Variants in KCNJ6 observed in about 807,000 individuals in gnomAD.
KCNJ6 encodes the protein G protein-activated inward rectifier potassium channel 2.
Under a neutral mutation model 34.2 loss-of-function variants are expected in KCNJ6, and 9 were observed. The ratio of observed to expected loss-of-function variants is 0.26; its 90% CI spans 0.16 to 0.46. The LOEUF (loss-of-function observed/expected upper bound fraction) is 0.46. Ranked by LOEUF, KCNJ6 falls within the 20% of genes least tolerant of loss-of-function variation. KCNJ6 has a pLI of 1.00. For synonymous variants in KCNJ6, 196 were observed against 207.1 expected, an observed-to-expected ratio of 0.95 and a Z score of 0.46; for missense variants, 236 against 531.3, an observed-to-expected ratio of 0.44 and a Z score of 5.46.
chr21:37,894,920 G>A (rs2055780663), intron 1 of KCNJ6, among the ~76,000 whole-genome samples: 1 of 151,878 alleles, frequency 6.6e-6, no homozygotes, highest in South Asian at 2.1e-4. Context: ...TTAAAATTAT[G>A]TTCACAGTGT....
chr21:37,756,211 T>C (rs1034513206), intron 2 of KCNJ6, among the ~76,000 whole-genome samples: 1 of 151,996 alleles, frequency 6.6e-6, no homozygotes, highest in African/African-American at 2.4e-5. Context: ...TGGACCTTCA[T>C]TAAAAACCAA....
At chr21:37,843,019 C>A (rs192577476) in intron 1 of KCNJ6, among the ~76,000 whole-genome samples, 1 of 152,136 alleles carries the variant, frequency 6.6e-6, no homozygotes, top group Admixed American at 6.5e-5. Flanking sequence ...CTCTGGATCA[C>A]AGACCTCTTC....
chr21:37,772,494 T>C (rs1275385923), intron 2 of KCNJ6, among the ~76,000 whole-genome samples: 1 of 152,202 alleles, frequency 6.6e-6, no homozygotes, highest in Non-Finnish European at 1.5e-5. Context: ...TAAATTCTAC[T>C]CTATAATTTT....
chr21:37,703,879 G>A lies in KCNJ6; in HGVS notation c.946+10332C>T, dbSNP rs2054704955. On this transcript the variant is annotated intron_variant, in intron 3 of 3. Transcript: ENST00000609713. ...ACTGAGCCTCTTCAATGTCGGGGAT[G>A]AGAAATCCAGCCACAGGTGAGGCTT... 3.3e-5 allele frequency among the ~76,000 whole-genome samples: 5 copies of A among 152,356 alleles called. No individual in the cohort carries two copies. In the South Asian group the frequency reaches 1.0e-3, roughly 32 times the overall value.
At chr21:37,720,701 TC>T (rs1405732883) in intron 2 of KCNJ6, among the ~76,000 whole-genome samples, 11 of 83,488 alleles carry the variant, frequency 1.3e-4, no homozygotes, top group South Asian at 5.7e-4. Context: ...CATTTTCTTT[TC>T]TTTTTTTTTT....
intron 1 of KCNJ6, among the ~76,000 whole-genome samples, chr21:37,845,065 G>GCCCCATC: frequency 6.6e-6 from 1 of 152,224 alleles, no homozygotes; most frequent in East Asian, 1.9e-4. Flanking sequence ...GCTGTTTTCT[G>GCCCCATC]CCCCGTCCCC....
At chr21:37,684,672 G>C (rs1186040006) in intron 3 of KCNJ6, among the ~76,000 whole-genome samples, 1 of 152,238 alleles carries the variant, frequency 6.6e-6, no homozygotes, top group Non-Finnish European at 1.5e-5. Flanking sequence ...GAAGTACAAA[G>C]CTGAAGACCA....
chr21:37,736,108 G>A (rs1185853892), intron 2 of KCNJ6, among the ~76,000 whole-genome samples: 2 of 152,102 alleles, frequency 1.3e-5, no homozygotes, highest in African/African-American at 4.8e-5. Flanking sequence ...ATACCTGATG[G>A]CTCAAGCACA....
chr21:37,894,383 G>A (rs1212413937), intron 1 of KCNJ6, among the ~76,000 whole-genome samples: 3 of 152,220 alleles, frequency 2.0e-5, no homozygotes, highest in African/African-American at 7.2e-5. Flanking sequence ...ATCAACACTT[G>A]GCTGGGTGTG....
intron 3 of KCNJ6, among the ~76,000 whole-genome samples, chr21:37,629,628 G>T (rs529217094): frequency 6.6e-6 from 1 of 152,262 alleles, no homozygotes; most frequent in East Asian, 1.9e-4. Flanking sequence ...AAGCCAAGGA[G>T]AGGGGTCTCA....
chr21:37,877,230 T>C (rs1440090209), intron 1 of KCNJ6, among the ~76,000 whole-genome samples: 1 of 152,132 alleles, frequency 6.6e-6, no homozygotes, highest in Admixed American at 6.5e-5. Flanking sequence ...CCCTCTCACC[T>C]TTTCTCCCCA....
chr21:37,825,041 C>T (rs932489199), intron 2 of KCNJ6, among the ~76,000 whole-genome samples: 1 of 152,092 alleles, frequency 6.6e-6, no homozygotes, highest in Non-Finnish European at 1.5e-5. Flanking sequence ...TGTGTGTGGT[C>T]AAATCTCTCT....
At chr21:37,663,430 C>T (rs150688869) in intron 3 of KCNJ6, among the ~76,000 whole-genome samples, 2 of 150,682 alleles carry the variant, frequency 1.3e-5, no homozygotes, top group Non-Finnish European at 2.9e-5. Flanking sequence ...TCAGCTAATT[C>T]TCTAGTTAAA....
intron 3 of KCNJ6, among the ~76,000 whole-genome samples, chr21:37,667,614 G>GGGGTAGCAGGCACCGGGGTAGCAGGTCCA (rs374953006): frequency 6.6e-6 from 1 of 151,270 alleles, no homozygotes; most frequent in South Asian, 2.1e-4. Context: ...AGCGGGGTCT[G>GGGGTAGCAGGCACCGGGGTAGCAGGTCCA]GGGTAGCAGG....
At chr21:37,847,474 T>A (rs1015715110) in intron 1 of KCNJ6, among the ~76,000 whole-genome samples, 1 of 152,230 alleles carries the variant, frequency 6.6e-6, no homozygotes, top group African/African-American at 2.4e-5. Flanking sequence ...CCGTTCATGC[T>A]GAAGGCAGCA....
chr21:37,718,890 C>T (rs2054809030), intron 2 of KCNJ6, among the ~76,000 whole-genome samples: 1 of 152,126 alleles, frequency 6.6e-6, no homozygotes. Flanking sequence ...AAAAGCCAAA[C>T]CTCCCTGGTA....
chr21:37,733,835 A>G (rs1422501392), intron 2 of KCNJ6, among the ~76,000 whole-genome samples: 1 of 152,190 alleles, frequency 6.6e-6, no homozygotes, highest in Non-Finnish European at 1.5e-5. Context: ...CAGGTTTCAG[A>G]GAAGAAAATG....
rs1488097849 is a variant in KCNJ6, at chr21:37,778,689, C to CTG, written c.25+61967_25+61968dup. ...CCACTACATTGTGTGTATCCGTGTG[C>CTG]TGTGTGCGTGTGTGTGTGTGTGTGT... On this transcript the variant is annotated intron_variant, in intron 2 of 3. Coordinates refer to ENST00000609713, the MANE Select transcript of KCNJ6 (RefSeq NM_002240.5). 9.2e-3 allele frequency among the ~76,000 whole-genome samples: 1,205 copies of CTG among 130,822 alleles called. 19 individuals carry two copies. The highest frequency in any genetic ancestry group is 0.034 in the African/African-American group (1,143 of 33,620). The allele number at this position is 130,822 out of a possible 152,430, so 85.8% of individuals were successfully genotyped here.
At chr21:37,824,049 A>T (rs1455755008) in intron 2 of KCNJ6, among the ~76,000 whole-genome samples, 4 of 50,924 alleles carry the variant, frequency 7.9e-5, no homozygotes, top group Admixed American at 4.1e-4. Flanking sequence ...TTCAAATATC[A>T]CATTGTAAAT....
Sources: allele counts gnomAD v4.1 joint callset (sites outside exome capture counted in the v4.1 genomes callset), GRCh38; gene constraint gnomAD v4.1.1; transcripts MANE v1.5; gene names NCBI Gene and HGNC (gene_info 2026-07-23, HGNC 2026-07-21).